Variants in IPCEF1 observed in about 807,000 individuals in gnomAD.
IPCEF1 encodes the protein interaction protein for cytohesin exchange factors 1.
IPCEF1 carries 31 observed loss-of-function variants against 50.9 expected under a neutral mutation model. That is an observed-to-expected ratio of 0.61 (90% CI 0.46 to 0.82). The LOEUF is 0.82. IPCEF1 is among the 40% of genes least tolerant of loss of function. The pLI is 0.00. For missense variants in IPCEF1, 458 were observed against 514.0 expected (o/e 0.89, Z 1.05); for synonymous variants, 181 against 192.0 (o/e 0.94, Z 0.47).
chr6:154,288,507 CA>C (rs1409268272), intron 2 of IPCEF1, among the ~76,000 whole-genome samples: 12 of 151,552 alleles, frequency 7.9e-5, no homozygotes, highest in Non-Finnish European at 1.3e-4. Flanking sequence ...ACTAAAACTA[CA>C]AAAAATTAAC....
intron 3 of IPCEF1, among the ~76,000 whole-genome samples, chr6:154,259,798 T>C (rs764195476): frequency 2.1e-4 from 32 of 152,240 alleles, no homozygotes; most frequent in Non-Finnish European, 3.8e-4. Flanking sequence ...AGAGCTCTCA[T>C]GCCCTTCCCA....
intron 5 of IPCEF1, among the ~76,000 whole-genome samples, chr6:154,238,930 TAA>T (rs945093954): frequency 1.4e-3 from 202 of 147,422 alleles, no homozygotes; most frequent in African/African-American, 4.7e-3. Context: ...TTGTTTTTTT[TAA>T]AAAAAAAAAG....
At chr6:154,265,140 C>T (rs1295239472) in intron 3 of IPCEF1, among the ~76,000 whole-genome samples, 1 of 152,188 alleles carries the variant, frequency 6.6e-6, no homozygotes, top group Non-Finnish European at 1.5e-5. Context: ...GTGTTACTAA[C>T]ATCGACTTCC....
At chr6:154,217,429 T>C (rs1778494735) in intron 7 of IPCEF1, 1 of 139,648 alleles carries the variant, frequency 7.2e-6, no homozygotes, top group Non-Finnish European at 1.5e-5. Flanking sequence ...GGTGGCTGCA[T>C]GGAGAAAAAA....
chr6:154,248,305 A>AGTGTG (rs1329571742), intron 3 of IPCEF1, among the ~76,000 whole-genome samples: 6 of 93,714 alleles, frequency 6.4e-5, no homozygotes, highest in Non-Finnish European at 1.4e-4. Flanking sequence ...GCTTTAAAAT[A>AGTGTG]CGTGTGTGTG....
chr6:154,286,076 T>C (rs1782352351), intron 2 of IPCEF1, among the ~76,000 whole-genome samples: 1 of 152,094 alleles, frequency 6.6e-6, no homozygotes, highest in African/African-American at 2.4e-5. Flanking sequence ...GAGCTCAAAA[T>C]AATTATGGGG....
At chr6:154,166,232 G>A (rs1799413478) in intron 11 of IPCEF1, among the ~76,000 whole-genome samples, 1 of 152,220 alleles carries the variant, frequency 6.6e-6, no homozygotes, top group African/African-American at 2.4e-5. Context: ...CAATGACGAG[G>A]TCACAGAGAC....
chr6:154,345,683 T>C (rs923580148), intron 1 of IPCEF1, among the ~76,000 whole-genome samples: 1 of 152,228 alleles, frequency 6.6e-6, no homozygotes, highest in African/African-American at 2.4e-5. Context: ...CAGTATTTAA[T>C]AATTCTGAAT....
chr6:154,216,953 C>CA (rs1778446461), intron 7 of IPCEF1: 1 of 163,038 alleles, frequency 6.1e-6, no homozygotes, highest in African/African-American at 2.4e-5. Flanking sequence ...TCACCTGACC[C>CA]AAAAAACCCC....
chr6:154,356,634 T>C (rs1784221944), intron 1 of IPCEF1, 38 bp downstream of exon 1: 1 of 152,250 alleles, frequency 6.6e-6, no homozygotes, highest in Non-Finnish European at 1.5e-5. Context: ...GTCAAGCAGT[T>C]ACCTCTCATA....
Position 154,317,548 on chromosome 6 carries a change from C to CAA in IPCEF1, c.-61-27794_-61-27793dup, listed in dbSNP as rs71021041. ...TGGGCGACAGTGAGAGACTCCATCT[C>CAA]AAAAAAAAAAAAAAAAAAAAAAAAA... On this transcript the variant is annotated intron_variant, in intron 1 of 11. Transcript: ENST00000367220. Among the ~76,000 whole-genome samples the CAA allele has an allele frequency of 2.6e-3, 43 of 16,312 alleles. 4 individuals are homozygous for CAA. Among genetic ancestry groups the CAA allele is most frequent in the South Asian group, 0.011 (2 of 178 alleles). 10.7% of individuals were successfully genotyped at this position (16,312 alleles called of 152,430 possible).
intron 9 of IPCEF1, among the ~76,000 whole-genome samples, chr6:154,205,586 A>T (rs967950024): frequency 3.9e-5 from 6 of 152,042 alleles, no homozygotes; most frequent in Admixed American, 3.3e-4. Flanking sequence ...CAAGAGTAAG[A>T]CTCTGTTTCA....
intron 2 of IPCEF1, among the ~76,000 whole-genome samples, chr6:154,287,014 TTGTTTAAAAG>T (rs1177983489): frequency 1.2e-4 from 18 of 152,358 alleles, no homozygotes; most frequent in African/African-American, 4.3e-4. Context: ...AGAAATCTGG[TTGTTTAAAAG>T]TGTATAACAG....
intron 5 of IPCEF1, among the ~76,000 whole-genome samples, chr6:154,243,141 G>A (rs995845684): frequency 6.6e-6 from 1 of 152,182 alleles, no homozygotes; most frequent in African/African-American, 2.4e-5. Context: ...ATTGAAAGAA[G>A]TGCCATCTTT....
At chr6:154,337,806 G>C (rs147781666) in intron 1 of IPCEF1, among the ~76,000 whole-genome samples, 1 of 152,330 alleles carries the variant, frequency 6.6e-6, no homozygotes, top group East Asian at 1.9e-4. Flanking sequence ...AAGCTTTGTG[G>C]TGTATGCAAA....
intron 5 of IPCEF1, among the ~76,000 whole-genome samples, chr6:154,230,256 A>C (rs932004221): frequency 6.6e-6 from 1 of 152,208 alleles, no homozygotes; most frequent in African/African-American, 2.4e-5. Flanking sequence ...GAGGTTCATC[A>C]GTTATAACAA....
intron 10 of IPCEF1, among the ~76,000 whole-genome samples, chr6:154,180,347 C>CATATAT (rs143058126): frequency 9.1e-5 from 13 of 142,152 alleles, no homozygotes; most frequent in Middle Eastern, 7.2e-3. Flanking sequence ...AGAAAGGAGA[C>CATATAT]ATATATATAT....
chr6:154,354,424 A>ACCACCTCCACCC (rs1784173389), intron 1 of IPCEF1, among the ~76,000 whole-genome samples: 1 of 149,540 alleles, frequency 6.7e-6, no homozygotes, highest in African/African-American at 2.5e-5. Flanking sequence ...CACCTCCACC[A>ACCACCTCCACCC]CCACCTCCAC....
At chr6:154,329,637 G>A (rs567097820) in intron 1 of IPCEF1, among the ~76,000 whole-genome samples, 3,092 of 140,918 alleles carry the variant, frequency 0.022, 58 homozygotes, top group Non-Finnish European at 0.034. Flanking sequence ...GAAAGAAAAA[G>A]AAAGAAAGAA....
Sources: allele counts gnomAD v4.1 joint callset (sites outside exome capture counted in the v4.1 genomes callset), GRCh38; gene constraint gnomAD v4.1.1; transcripts MANE v1.5; gene names NCBI Gene and HGNC (gene_info 2026-07-23, HGNC 2026-07-21).